Variants in GEN1 observed in about 807,000 individuals in gnomAD.
GEN1 encodes the protein flap endonuclease GEN homolog 1.
Under a neutral mutation model 67.6 loss-of-function variants are expected in GEN1, and 64 were observed. The ratio of observed to expected loss-of-function variants is 0.95; its 90% CI spans 0.77 to 1.17. GEN1 has a LOEUF of 1.17. Ranked by LOEUF, GEN1 falls within the 50% of genes most tolerant of loss-of-function variation. GEN1 has a pLI of 0.00. For synonymous variants in GEN1, 371 were observed against 359.4 expected (o/e 1.03, Z -0.37); for missense variants, 1,058 against 1,048.3 (o/e 1.01, Z -0.13).
rs1553332915 is a variant in GEN1 at position 17,781,954 on chromosome 2, A to G, written c.*15A>G. On this transcript the variant is annotated 3_prime_UTR_variant, in exon 14 of 14. Coordinates refer to ENST00000381254, the MANE Select transcript of GEN1 (RefSeq NM_001130009.3). ...AAAGCACTTGAAATTTAAAACACTT[A>G]GGTATAACTTAACTATTTTAGTACT... is the stretch of plus-strand genomic sequence containing the variant. 7.2e-7 allele frequency: 1 copy of G among 1,380,480 alleles called. No homozygotes were observed. Among genetic ancestry groups the G allele is most frequent in the Admixed American group, 2.3e-5 (1 of 43,660 alleles). The allele number at this position is 1,380,480 out of a possible 1,614,324, so 85.5% of individuals were successfully genotyped here.
rs141215178 is a variant in GEN1 at position 17,759,524 on chromosome 2, A to T, written c.-15-405A>T. Among the ~76,000 whole-genome samples the T allele has an allele frequency of 2.8e-3, 419 of 150,874 alleles. 4 individuals carry two copies. The highest frequency in any genetic ancestry group is 9.4e-3 in the African/African-American group (387 of 41,090). The stretch of plus-strand genomic sequence containing the variant: ...ATTTTCTCTCGTTTCTTCTTCCCTC[A>T]CTTTTCTAAGTTTTCCTTTATTAAC... On this transcript the variant is annotated intron_variant, in intron 1 of 13. Transcript: ENST00000381254.
chr2:17,766,064 C>A (rs928825291), intron 4 of GEN1, among the ~76,000 whole-genome samples: 1 of 151,980 alleles, frequency 6.6e-6, no homozygotes, highest in Non-Finnish European at 1.5e-5. Flanking sequence ...ATTTTTAAGC[C>A]ATTTTTGAAA....
At position 17,780,793 on chromosome 2, in the gene GEN1, TA is replaced by T; in HGVS notation, c.1582del (p.Ser528AlafsTer11). On this transcript the variant is annotated frameshift_variant, in exon 14 of 14. Coordinates refer to ENST00000381254, the MANE Select transcript of GEN1 (RefSeq NM_001130009.3). LOFTEE classifies it low-confidence loss of function (END_TRUNC). ...PQESISASLNSLLLPKNTPCL... is the reference protein window; with the variant it reads ...PQESISASLNXLLLPKNTPCL... Reference sequence around the variant, plus strand: ...AGGAATCTATTTCTGCCTCATTGAATAGCTTGCTTTTACCTAAAAATACTCC... The same window carrying T: ...AGGAATCTATTTCTGCCTCATTGAATGCTTGCTTTTACCTAAAAATACTCC... 1 of 1,614,014 alleles carries T rather than the reference TA, an allele frequency of 6.2e-7. No individual in the cohort carries two copies. The highest frequency in any genetic ancestry group is 1.7e-4 in the Middle Eastern group (1 of 6,058).
At chr2:17,773,975 T>C (rs1672312233) in intron 10 of GEN1, among the ~76,000 whole-genome samples, 1 of 151,376 alleles carries the variant, frequency 6.6e-6, no homozygotes, top group South Asian at 2.1e-4. Flanking sequence ...CTTTGTAATC[T>C]GTGAAGTGGG....
At chr2:17,780,167 TAGAA>T in intron 13 of GEN1, 46 bp downstream of exon 13, 1 of 1,477,626 alleles carries the variant, frequency 6.8e-7, no homozygotes, top group Non-Finnish European at 9.3e-7. Flanking sequence ...GCAAATGTTA[TAGAA>T]GAGCCACCTC....
chr2:17,774,068 C>G (rs1672318300), intron 10 of GEN1, among the ~76,000 whole-genome samples: 1 of 152,044 alleles, frequency 6.6e-6, no homozygotes, highest in Non-Finnish European at 1.5e-5. Flanking sequence ...AAATATCATC[C>G]TGGCGTTCAA....
Position 17,780,633 on chromosome 2 carries a change from A to C in GEN1, c.1421A>C (p.Lys474Thr), listed in dbSNP as rs1270614281. 6.3e-7 allele frequency: 1 copy of C among 1,580,434 alleles called. No individual in the cohort carries two copies. Among genetic ancestry groups the C allele is most frequent in the Non-Finnish European group, 8.6e-7 (1 of 1,164,738 alleles). ...KGKKQKRIKP[K>T]ENNLPEPDEV... The stretch of plus-strand genomic sequence containing the variant: ...TTTTTCTTTTCAGGTATTAAGCCTA[A>C]AGAAAACAATTTGCCAGAACCAGAT... The change falls in exon 14 of 14, where the codon AAA (lysine) becomes ACA (threonine). Residue 474 changes from lysine (K) to threonine (T), a missense_variant. Lys to Thr is a moderately conservative substitution (Grantham distance 78). Coordinates refer to ENST00000381254, the MANE Select transcript of GEN1 (RefSeq NM_001130009.3).
chr2:17,771,641 A>G (rs1208083224), intron 7 of GEN1, among the ~76,000 whole-genome samples: 12 of 152,124 alleles, frequency 7.9e-5, no homozygotes, highest in Admixed American at 6.6e-4. Flanking sequence ...ATTTGTTAAT[A>G]TATTGGTGAT....
Position 17,782,697 on chromosome 2 carries a change from A to T in GEN1, c.*758A>T, listed in dbSNP as rs1049857151. ...GAAAATCAAATGTATAACCAAAAGG[A>T]TTAGAAACTAGCCCAGGATCACGTA... On this transcript the variant is annotated 3_prime_UTR_variant, in exon 14 of 14. Transcript: ENST00000381254. 3 of 152,232 alleles carry T rather than the reference A, an allele frequency of 2.0e-5. No individual in the cohort carries two copies. Among genetic ancestry groups the T allele is most frequent in the African/African-American group, 7.2e-5 (3 of 41,456 alleles). The allele number at this position is 152,232 out of a possible 1,614,324, so 9.4% of individuals were successfully genotyped here. A position where few individuals can be genotyped will look rare whatever the true frequency, so the allele number is the denominator to read the frequency against.
chr2:17,779,331 G>A (rs1006428764), intron 12 of GEN1, among the ~76,000 whole-genome samples: 2 of 152,142 alleles, frequency 1.3e-5, no homozygotes, highest in African/African-American at 4.8e-5. Context: ...TTCTTACCTG[G>A]AATTTTAACA....
intron 4 of GEN1, 110 bp from the exon 5 acceptor site, chr2:17,766,469 C>G (rs1035228294): frequency 3.1e-6 from 2 of 648,054 alleles, no homozygotes; most frequent in Non-Finnish European, 5.3e-6. Context: ...CATGCCCAGC[C>G]TGGAATAATT....
At chr2:17,772,608 T>G in intron 7 of GEN1, 26 bp from the exon 8 acceptor site, 1 of 1,569,896 alleles carries the variant, frequency 6.4e-7, no homozygotes, top group Non-Finnish European at 8.6e-7. Flanking sequence ...CAAAAAATAT[T>G]ATACTTTTTT....
At position 17,786,429 on chromosome 2, in the gene GEN1, T is replaced by C. The variant is rs138303861; in HGVS notation, c.*4490T>C. 18 of 152,218 alleles carry C rather than the reference T, an allele frequency of 1.2e-4. No homozygotes were observed. Among genetic ancestry groups the C allele is most frequent in the Admixed American group, 1.0e-3 (16 of 15,290 alleles). The allele number at this position is 152,218 out of a possible 1,614,324, so 9.4% of individuals were successfully genotyped here. On this transcript the variant is annotated 3_prime_UTR_variant, in exon 14 of 14. Transcript: ENST00000381254. The stretch of plus-strand genomic sequence containing the variant: ...GGCATTTGAGCTACTGGAAAAAAAT[T>C]GTGCTTGCTTAAATATAATGTGGTA...
chr2:17,760,837 A>G (rs1274726998), intron 2 of GEN1, among the ~76,000 whole-genome samples: 1 of 150,920 alleles, frequency 6.6e-6, no homozygotes, highest in Non-Finnish European at 1.5e-5. Context: ...CAGGAAAATC[A>G]CTTGAACCTG....
Position 17,781,135 on chromosome 2 carries a change from A to C in GEN1, c.1923A>C (p.Ala641=), listed in dbSNP as rs756775064. 8.7e-6 allele frequency: 14 copies of C among 1,613,968 alleles called. No individual in the cohort carries two copies. The highest frequency in any genetic ancestry group is 1.1e-5 in the Non-Finnish European group (13 of 1,179,878). The stretch of plus-strand genomic sequence containing the variant: ...CCTGTGAATCAGAAAGGTACACTGC[A>C]AACATAAAGAAAGTGTTGGATGAGG... ...QLSCESERYT[A]NIKKVLDEDS... Residue 641 remains alanine (A), a synonymous_variant, in exon 14 of 14, where the codon GCA becomes GCC. Transcript: ENST00000381254.
At chr2:17,770,994 A>G (rs1672161350) in intron 6 of GEN1, 1 of 634,418 alleles carries the variant, frequency 1.6e-6, no homozygotes, top group Non-Finnish European at 2.9e-6. Flanking sequence ...CCTGTCTTGC[A>G]GTTCTGCTGT....
At chr2:17,763,436 A>T (rs759832880) in intron 3 of GEN1, among the ~76,000 whole-genome samples, 2 of 152,156 alleles carry the variant, frequency 1.3e-5, no homozygotes, top group Non-Finnish European at 1.5e-5. Flanking sequence ...TGCTGCAGTA[A>T]TTATGGTGTT....
intron 12 of GEN1, among the ~76,000 whole-genome samples, chr2:17,778,364 GTA>G (rs1266957592): frequency 0.013 from 471 of 36,418 alleles, 141 homozygotes; most frequent in South Asian, 0.066. Flanking sequence ...GTACATATAT[GTA>G]TATACACACA....
Position 17,774,332 on chromosome 2 carries a change from T to G in GEN1, c.1133T>G (p.Leu378Arg), listed in dbSNP as rs760865205. The G allele has an allele frequency of 3.1e-6, 5 of 1,605,296 alleles. No homozygotes were observed. Among genetic ancestry groups the G allele is most frequent in the Non-Finnish European group, 4.3e-6 (5 of 1,173,556 alleles). ...TATGCATGTGAGAAATTGCTGGTAC[T>G]TTTGACCCATTATGACATGATAGAA... ...NHYACEKLLV[L>R]LTHYDMIERK... Residue 378 changes from leucine to arginine, a missense_variant, in exon 11 of 14, where the codon CTT becomes CGT. By Grantham distance (102) the Leu-to-Arg change is moderately radical. Transcript: ENST00000381254.
Sources: allele counts gnomAD v4.1 joint callset (sites outside exome capture counted in the v4.1 genomes callset), GRCh38; gene constraint gnomAD v4.1.1; transcripts MANE v1.5; gene names NCBI Gene and HGNC (gene_info 2026-07-23, HGNC 2026-07-21).